Variants in ZNF565 observed in about 807,000 individuals in gnomAD.
ZNF565 encodes zinc finger protein 565.
A neutral mutation model predicts 39.4 loss-of-function variants in ZNF565; 27 were observed. The ratio of observed to expected loss-of-function variants is 0.69; its 90% confidence interval spans 0.51 to 0.95. The LOEUF (loss-of-function observed/expected upper bound fraction) is 0.95, where lower values mean the gene tolerates loss of function less well. Among genes scored for constraint, ZNF565 ranks in the 40% least tolerant of loss-of-function variants. The pLI, the probability that ZNF565 is intolerant of heterozygous loss-of-function variation, is 0.00. For missense variants in ZNF565, 524 were observed against 621.1 expected, an observed-to-expected ratio of 0.84 and a Z score of 1.66; for synonymous variants, 185 against 216.6, an observed-to-expected ratio of 0.85 and a Z score of 1.28.
chr19:36,238,647 A>G (rs911144143), intron 1 of ZNF565: 2 of 167,236 alleles, frequency 1.2e-5, no homozygotes, highest in Admixed American at 1.3e-4. Context: ...TTCATTTCCA[A>G]TTAAATACTA....
At chr19:36,194,430 G>T in intron 3 of ZNF565, 102 bp from the exon 4 acceptor site, 1 of 886,886 alleles carries the variant, frequency 1.1e-6, no homozygotes. Context: ...GTAGGTGGAA[G>T]GTTGTCCAAA....
At chr19:36,235,807 T>C (rs1289883259) in intron 1 of ZNF565, 1 of 152,220 alleles carries the variant, frequency 6.6e-6, no homozygotes, top group Non-Finnish European at 1.5e-5. Flanking sequence ...TCTCAGATCG[T>C]ATTTGTTTTA....
chr19:36,236,484 C>G (rs1458667569), intron 1 of ZNF565: 1 of 1,613,384 alleles, frequency 6.2e-7, no homozygotes, highest in Non-Finnish European at 8.5e-7. Flanking sequence ...GGGGAAAACC[C>G]CTTTGCCTGT....
intron 1 of ZNF565, among the ~76,000 whole-genome samples, chr19:36,206,711 A>C (rs946382927): frequency 3.3e-5 from 5 of 152,114 alleles, no homozygotes; most frequent in African/African-American, 1.2e-4. Flanking sequence ...GCATGCCTGT[A>C]ATCCCAGCTA....
chr19:36,207,282 G>A (rs966707125), intron 1 of ZNF565, among the ~76,000 whole-genome samples: 1 of 152,152 alleles, frequency 6.6e-6, no homozygotes, highest in Non-Finnish European at 1.5e-5. Context: ...AGTGGCTCAC[G>A]CCTGTAATCC....
downstream of ZNF565, chr19:36,182,267 T>C: frequency 2.3e-6 from 1 of 443,174 alleles, no homozygotes; most frequent in Non-Finnish European, 3.9e-6. Flanking sequence ...GATTATCTGA[T>C]GCTTAGGAAA....
At chr19:36,197,888 C>T (rs1029930143) in intron 2 of ZNF565, among the ~76,000 whole-genome samples, 3 of 152,106 alleles carry the variant, frequency 2.0e-5, no homozygotes, top group Non-Finnish European at 4.4e-5. Context: ...TGGCTCACGC[C>T]TGTAATCTCA....
At chr19:36,191,625 A>G (rs1975546595) in intron 4 of ZNF565, among the ~76,000 whole-genome samples, 1 of 152,218 alleles carries the variant, frequency 6.6e-6, no homozygotes, top group South Asian at 2.1e-4. Flanking sequence ...GCAATGAAAT[A>G]AACAATGAAA....
At chr19:36,235,567 T>G (rs1170852010) in intron 1 of ZNF565, 1 of 152,178 alleles carries the variant, frequency 6.6e-6, no homozygotes, top group Non-Finnish European at 1.5e-5. Flanking sequence ...AATATAAAGG[T>G]AAAATGAAGG....
chr19:36,190,958 C>T (rs895797210), intron 4 of ZNF565, among the ~76,000 whole-genome samples: 3 of 145,220 alleles, frequency 2.1e-5, no homozygotes, highest in Non-Finnish European at 3.0e-5. Context: ...TGCCACTGCA[C>T]TCCAGCCTGG....
intron 1 of ZNF565, among the ~76,000 whole-genome samples, chr19:36,205,309 C>T (rs1285647343): frequency 1.3e-5 from 2 of 152,088 alleles, no homozygotes; most frequent in East Asian, 1.9e-4. Flanking sequence ...AGGCGGATTA[C>T]CTGAAATCAG....
intron 1 of ZNF565, chr19:36,235,635 A>G (rs945695248): frequency 3.9e-5 from 6 of 152,220 alleles, no homozygotes; most frequent in South Asian, 4.1e-4. Flanking sequence ...CCTTTGTGCT[A>G]TGGTTCTTTG....
chr19:36,182,796 G>A lies in ZNF565; in HGVS notation c.1170C>T (p.Pro390=). 1.2e-6 allele frequency: 2 copies of A among 1,614,016 alleles called. No homozygotes were observed. Among genetic ancestry groups the A allele is most frequent in the East Asian group, 4.5e-5 (2 of 44,856 alleles). ...RHQRVHTGDR[P]YECKDCGKAF... The stretch of plus-strand genomic sequence containing the variant: ...CCTTCCCGCAGTCCTTACATTCATA[G>A]GGTCTGTCGCCAGTATGGACTCTCT... The change falls in exon 5 of 5, where the codon CCC becomes CCT. Residue 390 remains proline, a synonymous_variant. Coordinates refer to ENST00000304116, the MANE Select transcript of ZNF565 (RefSeq NM_152477.5).
At chr19:36,217,342 C>T (rs1360524386), upstream of ZNF565, among the ~76,000 whole-genome samples, 1 of 151,678 alleles carries the variant, frequency 6.6e-6, no homozygotes, top group Non-Finnish European at 1.5e-5. Context: ...GGATTACAGG[C>T]ATGAACCACG....
chr19:36,190,799 C>T (rs1377939825), intron 4 of ZNF565, among the ~76,000 whole-genome samples: 1 of 151,706 alleles, frequency 6.6e-6, no homozygotes, highest in Non-Finnish European at 1.5e-5. Flanking sequence ...TGAGACCAGC[C>T]TGGCCAACAT....
At chr19:36,229,827 CT>C (rs1340812288) in intron 1 of ZNF565, among the ~76,000 whole-genome samples, 3 of 152,210 alleles carry the variant, frequency 2.0e-5, no homozygotes, top group African/African-American at 7.2e-5. Flanking sequence ...TCAAGTGATT[CT>C]TGTGCCTCAG....
At chr19:36,241,963 C>A (rs561091041) in intron 1 of ZNF565, among the ~76,000 whole-genome samples, 1 of 151,942 alleles carries the variant, frequency 6.6e-6, no homozygotes, top group Non-Finnish European at 1.5e-5. Flanking sequence ...GATTTGGCAA[C>A]GATTTTGTAA....
At chr19:36,226,590 G>A (rs1369203247) in intron 1 of ZNF565, among the ~76,000 whole-genome samples, 5 of 151,596 alleles carry the variant, frequency 3.3e-5, no homozygotes, top group African/African-American at 1.2e-4. Context: ...TTTCCTGAAC[G>A]ATTTGAAACC....
intron 1 of ZNF565, among the ~76,000 whole-genome samples, chr19:36,206,551 C>A (rs1976163061): frequency 6.6e-6 from 1 of 152,084 alleles, no homozygotes; most frequent in Non-Finnish European, 1.5e-5. Context: ...TCAGGTGGGG[C>A]CAGGCACAGT....
Sources: allele counts gnomAD v4.1 joint callset (sites outside exome capture counted in the v4.1 genomes callset), GRCh38; gene constraint gnomAD v4.1.1; transcripts MANE v1.5; gene names NCBI Gene and HGNC (gene_info 2026-07-23, HGNC 2026-07-21).